Variants in MTSS1 observed in about 807,000 individuals in gnomAD.
MTSS1 encodes protein MTSS 1.
MTSS1 carries 18 observed loss-of-function variants against 79.0 expected under a neutral mutation model. The ratio of observed to expected loss-of-function variants is 0.23; its 90% CI spans 0.16 to 0.34. MTSS1 has a LOEUF of 0.34. Ranked by LOEUF, MTSS1 falls within the 10% of genes least tolerant of loss-of-function variation. The pLI is 1.00. For missense variants in MTSS1, 815 were observed against 986.2 expected (o/e 0.83, Z 2.33); for synonymous variants, 341 against 368.6 (o/e 0.93, Z 0.86).
In MTSS1 at chr8:124,727,828, G is replaced by A. The variant is rs1230992622; in HGVS notation, c.72+56C>T. Reference sequence around the variant, plus strand: ...CCGGCCCGGGGTGGAGGCGAAGCGCGGCGGCGAGGTCAGAGCGCGGCGGCC... The same window carrying A: ...CCGGCCCGGGGTGGAGGCGAAGCGCAGCGGCGAGGTCAGAGCGCGGCGGCC... On this transcript the variant is annotated intron_variant, in intron 1 of 13. Coordinates refer to ENST00000518547, the MANE Select transcript of MTSS1 (RefSeq NM_014751.6). This position sits in a 1 kb window ranked among gnomAD's most constrained non-coding sequence, Gnocchi z 4.7. 1.0e-5 allele frequency: 15 copies of A among 1,446,252 alleles called. No homozygotes were observed. In the Admixed American group the frequency reaches 3.3e-4, roughly 32 times the overall value. 89.6% of individuals were successfully genotyped at this position (1,446,252 alleles called of 1,614,324 possible).
chr8:124,598,664 T>C (rs1179390847), intron 3 of MTSS1, among the ~76,000 whole-genome samples: 1 of 152,192 alleles, frequency 6.6e-6, no homozygotes, highest in African/African-American at 2.4e-5. Flanking sequence ...ATGAAGAAAA[T>C]GTTCCACTTG....
rs894960178 is a variant in MTSS1 at position 124,557,574 on chromosome 8, T to G, written c.1230+107A>C. On this transcript the variant is annotated intron_variant, in intron 11 of 13. Coordinates refer to ENST00000518547, the MANE Select transcript of MTSS1 (RefSeq NM_014751.6). ...AGGCATTATGGGGAAGAAGGCAGAG[T>G]GTGAAAGGAAGGGGATGAGGGGATA... 6 of 1,118,940 alleles carry G rather than the reference T, an allele frequency of 5.4e-6. No homozygotes were observed. The East Asian group carries it at 8.1e-5, about 15-fold the overall frequency. 69.3% of individuals were successfully genotyped at this position (1,118,940 alleles called of 1,614,324 possible).
chr8:124,656,100 T>C (rs941539640), intron 3 of MTSS1, among the ~76,000 whole-genome samples: 1 of 152,236 alleles, frequency 6.6e-6, no homozygotes, highest in African/African-American at 2.4e-5. Flanking sequence ...GTCCTTTTCA[T>C]GCACTATTGA....
chr8:124,604,679 A>C (rs1287927459), intron 3 of MTSS1, among the ~76,000 whole-genome samples: 4 of 152,148 alleles, frequency 2.6e-5, no homozygotes, highest in Non-Finnish European at 4.4e-5. Context: ...TTTACGGGAC[A>C]GCTAATACTG....
At chr8:124,725,525 T>C (rs549457596) in intron 1 of MTSS1, among the ~76,000 whole-genome samples, 2 of 152,288 alleles carry the variant, frequency 1.3e-5, no homozygotes, top group East Asian at 3.9e-4. Flanking sequence ...AAGATGGCAT[T>C]CCAAATGGGT....
chr8:124,714,563 A>T (rs1341963022), intron 1 of MTSS1, among the ~76,000 whole-genome samples: 1 of 152,094 alleles, frequency 6.6e-6, no homozygotes, highest in Non-Finnish European at 1.5e-5. Flanking sequence ...CCAGGGTTCA[A>T]GTGATCTTCC....
chr8:124,680,978 C>A lies in MTSS1; in HGVS notation c.208+18548G>T, dbSNP rs115466962. ...AGACCGCAGGAGAGGAGCTCCTTAA[C>A]CACCTTTAAGCAAGTTAATAATCTG... On this transcript the variant is annotated intron_variant, in intron 3 of 13. Coordinates refer to ENST00000518547, the MANE Select transcript of MTSS1 (RefSeq NM_014751.6). Among the ~76,000 whole-genome samples, 1,326 of 152,214 alleles carry A rather than the reference C, an allele frequency of 8.7e-3. 27 individuals are homozygous for A. Among genetic ancestry groups the A allele is most frequent in the African/African-American group, 0.031 (1,269 of 41,512 alleles).
chr8:124,675,864 C>G (rs111582075), intron 3 of MTSS1, among the ~76,000 whole-genome samples: 1 of 152,194 alleles, frequency 6.6e-6, no homozygotes, highest in Non-Finnish European at 1.5e-5. Flanking sequence ...ATGTACATAC[C>G]GCAATTTGTT....
At chr8:124,668,706 G>A in intron 3 of MTSS1, among the ~76,000 whole-genome samples, 1 of 152,188 alleles carries the variant, frequency 6.6e-6, no homozygotes. Context: ...GAAGACCTCA[G>A]TGTGTTTGGT....
At chr8:124,604,417 T>C (rs1341040916) in intron 3 of MTSS1, among the ~76,000 whole-genome samples, 1 of 152,088 alleles carries the variant, frequency 6.6e-6, no homozygotes, top group East Asian at 1.9e-4. Flanking sequence ...ATTAGTCCTT[T>C]AAGCTGTGAA....
chr8:124,676,961 A>G (rs149859495), intron 3 of MTSS1, among the ~76,000 whole-genome samples: 22 of 152,282 alleles, frequency 1.4e-4, no homozygotes, highest in African/African-American at 3.6e-4. Flanking sequence ...GAACATTCTC[A>G]TACTGTGTTC....
rs781708481 is a variant in MTSS1, at chr8:124,597,437, T to TG, written c.209-6203dup. Among the ~76,000 whole-genome samples the TG allele has an allele frequency of 7.2e-5, 11 of 152,120 alleles. No homozygotes were observed. Among genetic ancestry groups the TG allele is most frequent in the African/African-American group, 2.2e-4 (9 of 41,420 alleles). On this transcript the variant is annotated intron_variant, in intron 3 of 13. Transcript: ENST00000518547. The surrounding 1 kb of genome is among the most constrained non-coding windows in gnomAD (Gnocchi z 4.6). ...GAATACAAATTGTTTAATGCATATT[T>TG]GGGGGGGTAGGGAGGAAATAAGAAA...
rs780339459 is a variant in MTSS1, at chr8:124,553,389, G to T, written c.1871C>A (p.Pro624Gln). The T allele has an allele frequency of 1.1e-5, 18 of 1,609,068 alleles. No homozygotes were observed. The highest frequency in any genetic ancestry group is 1.4e-5 in the Non-Finnish European group (17 of 1,176,286). ...PVIPVKTPTV[P>Q]DLPGVLPAPP... Reference sequence around the variant, plus strand: ...GGCTGGCAACACCCCTGGGAGGTCTGGGACGGTTGGGGTCTTGACAGGGAT... The same window carrying T: ...GGCTGGCAACACCCCTGGGAGGTCTTGGACGGTTGGGGTCTTGACAGGGAT... The change falls in exon 14 of 14, where the codon CCA becomes CAA. Residue 624 changes from proline to glutamine, a missense_variant. Coordinates refer to ENST00000518547, the MANE Select transcript of MTSS1 (RefSeq NM_014751.6). This position sits in a 1 kb window ranked among gnomAD's most constrained non-coding sequence, Gnocchi z 6.0.
chr8:124,690,390 C>T (rs1251998543), intron 3 of MTSS1, among the ~76,000 whole-genome samples: 4 of 152,230 alleles, frequency 2.6e-5, no homozygotes, highest in Non-Finnish European at 5.9e-5. Flanking sequence ...TCTGATATCC[C>T]TCACTGTCCC....
chr8:124,726,380 G>A (rs1833701080), intron 1 of MTSS1, among the ~76,000 whole-genome samples: 1 of 152,202 alleles, frequency 6.6e-6, no homozygotes. Context: ...GTGTGCACTG[G>A]GGGCAACAGA....
chr8:124,621,411 G>A (rs1813481503), intron 3 of MTSS1, among the ~76,000 whole-genome samples: 2 of 152,236 alleles, frequency 1.3e-5, no homozygotes, highest in Non-Finnish European at 2.9e-5. Flanking sequence ...GGTGGGGGCA[G>A]TCTTCCTTAA....
At chr8:124,682,629 A>G (rs1826312901) in intron 3 of MTSS1, among the ~76,000 whole-genome samples, 1 of 152,224 alleles carries the variant, frequency 6.6e-6, no homozygotes, top group African/African-American at 2.4e-5. Flanking sequence ...TGCAGAAGGA[A>G]GCCTGGAGTC....
At position 124,553,015 on chromosome 8, in the gene MTSS1, G is replaced by T. The variant is rs778731501; in HGVS notation, c.2245C>A (p.Arg749Ser). Residue 749 changes from arginine (R) to serine (S), a missense_variant, in exon 14 of 14, where the codon CGC (arginine) becomes AGC (serine). This residue lies in a region of MTSS1 where 590 missense variants were observed against 620.8 expected (regional missense o/e 0.95). Coordinates refer to ENST00000518547, the MANE Select transcript of MTSS1 (RefSeq NM_014751.6). The surrounding 1 kb of genome is among the most constrained non-coding windows in gnomAD (Gnocchi z 6.0). The stretch of plus-strand genomic sequence containing the variant: ...ACCTAAGAAAAGCGAGGGGCTGAGC[G>T]ATCGTTTGTCGTGGTCTTCTTCAGT... ...VKLKKTTTND[R>S]SAPRFS 1 of 1,613,478 alleles carries T rather than the reference G, an allele frequency of 6.2e-7. No homozygotes were observed. Among genetic ancestry groups the T allele is most frequent in the Non-Finnish European group, 8.5e-7 (1 of 1,179,460 alleles).
At chr8:124,568,054 G>A (rs1200267954) in intron 7 of MTSS1, 15 of 1,009,402 alleles carry the variant, frequency 1.5e-5, no homozygotes, top group South Asian at 2.5e-5. Flanking sequence ...GACTTGGTGG[G>A]TCTGGGTTGG....
Sources: allele counts gnomAD v4.1 joint callset (sites outside exome capture counted in the v4.1 genomes callset), GRCh38; gene constraint gnomAD v4.1.1; regional missense constraint gnomAD v4.1.1; non-coding constraint Gnocchi (gnomAD v3.1); transcripts MANE v1.5; gene names NCBI Gene and HGNC (gene_info 2026-07-23, HGNC 2026-07-21).